The following FCRL5 variants were observed in gnomAD, a reference collection of about 807,000 sequenced individuals.
FCRL5 encodes Fc receptor-like protein 5.
FCRL5 carries 79 observed loss-of-function variants against 92.1 expected under a neutral mutation model. The observed-to-expected ratio is 0.86, with a 90% CI of 0.72 to 1.03. FCRL5 has a LOEUF of 1.03. Among genes scored for constraint, FCRL5 ranks in the 50% least tolerant of loss-of-function variants. The pLI is 0.00. For synonymous variants in FCRL5, 466 were observed against 469.3 expected, an observed-to-expected ratio of 0.99 and a Z score of 0.09; for missense variants, 1,160 against 1,181.1, an observed-to-expected ratio of 0.98 and a Z score of 0.26.
chr1:157,539,311 C>T lies in FCRL5; in HGVS notation c.1177G>A (p.Glu393Lys). 1 of 1,614,016 alleles carries T rather than the reference C, an allele frequency of 6.2e-7. No homozygotes were observed. Among genetic ancestry groups the T allele is most frequent in the Non-Finnish European group, 8.5e-7 (1 of 1,179,954 alleles). The change falls in exon 7 of 17, where the codon GAG becomes AAG. Residue 393 changes from glutamate (E) to lysine (K), a missense_variant. Transcript: ENST00000361835. Reference sequence around the variant, plus strand: ...CAGTGAAGTGTCACCTTGGCTCCCTCAAAAATCAGGTCCTCAGGAGAGCTG... The same window carrying T: ...CAGTGAAGTGTCACCTTGGCTCCCTTAAAAATCAGGTCCTCAGGAGAGCTG... ...NLSSPEDLIFEGAKVTLHCEA... is the reference protein window; with the variant it reads ...NLSSPEDLIFKGAKVTLHCEA...
In FCRL5 at chr1:157,524,447, A is replaced by G; in HGVS notation, c.2071T>C (p.Tyr691His). The G allele has an allele frequency of 1.2e-6, 2 of 1,614,204 alleles. No individual in the cohort carries two copies. Among genetic ancestry groups the G allele is most frequent in the Non-Finnish European group, 1.7e-6 (2 of 1,180,034 alleles). The change falls in exon 10 of 17, where the codon TAC becomes CAC. Residue 691 changes from tyrosine (Y) to histidine (H), a missense_variant. Coordinates refer to ENST00000361835, the MANE Select transcript of FCRL5 (RefSeq NM_031281.3). ...EALRGSSPIL[Y>H]WFYHEDVTLG... ...GTGACATCTTCATGATAAAACCAGT[A>G]CAGGATTGGGGAGGAGCCTCTCAGG...
intron 6 of FCRL5, 36 bp downstream of exon 6, chr1:157,542,823 C>T (rs1309141250): frequency 1.9e-6 from 3 of 1,591,476 alleles, no homozygotes; most frequent in Non-Finnish European, 2.6e-6. Flanking sequence ...GGACTCTTGG[C>T]CAGGGGTGGG....
chr1:157,547,771 G>A (rs543747144), intron 2 of FCRL5, among the ~76,000 whole-genome samples: 1 of 152,144 alleles, frequency 6.6e-6, no homozygotes, highest in African/African-American at 2.4e-5. Flanking sequence ...TTACAGCTGG[G>A]GCCACTGATT....
chr1:157,525,705 T>A (rs1388853555), intron 9 of FCRL5, among the ~76,000 whole-genome samples: 1 of 152,108 alleles, frequency 6.6e-6, no homozygotes, highest in Non-Finnish European at 1.5e-5. Context: ...CCAAGAAATA[T>A]TTAGGAAGTC....
rs375237721 is a variant in FCRL5, at chr1:157,524,400, G to T, written c.2118C>A (p.Pro706=). The change falls in exon 10 of 17, where the codon CCC becomes CCA. Residue 706 remains proline, a synonymous_variant. Coordinates refer to ENST00000361835, the MANE Select transcript of FCRL5 (RefSeq NM_031281.3). ...EDVTLGKISA[P]SGGGASFNLS... ...GGTTGAAGGAGGCCCCTCCTCCAGAGGGGGCTGAGATCTTACCCAGGGTGA... is the reference window on the plus strand; with the variant it reads ...GGTTGAAGGAGGCCCCTCCTCCAGATGGGGCTGAGATCTTACCCAGGGTGA... 3.7e-6 allele frequency: 6 copies of T among 1,614,112 alleles called. No individual in the cohort carries two copies. In the African/African-American group the frequency reaches 8.0e-5, roughly 22 times the overall value.
chr1:157,548,213 G>A (rs1651647582), intron 2 of FCRL5, among the ~76,000 whole-genome samples: 1 of 152,202 alleles, frequency 6.6e-6, no homozygotes, highest in Admixed American at 6.5e-5. Context: ...AGGGTCAGAG[G>A]GTGACCATGA....
At chr1:157,523,661 T>G (rs1489977683) in intron 10 of FCRL5, 2 of 152,280 alleles carry the variant, frequency 1.3e-5, no homozygotes, top group South Asian at 2.1e-4. Context: ...TTGAAAGAGA[T>G]CAAAGAACAG....
At position 157,552,227 on chromosome 1, in the gene FCRL5, A is replaced by G. The variant is rs1450541341; in HGVS notation, c.31+105T>C. 5 of 1,105,044 alleles carry G rather than the reference A, an allele frequency of 4.5e-6. No homozygotes were observed. The East Asian group carries it at 1.2e-4, about 26-fold the overall frequency. 68.5% of individuals were successfully genotyped at this position (1,105,044 alleles called of 1,614,324 possible). Reference sequence around the variant, plus strand: ...AAAATACAGTCTCCTAATGTAGGAGAGAGTCTCTCAGCAGGGGCTGAGCCC... The same window carrying G: ...AAAATACAGTCTCCTAATGTAGGAGGGAGTCTCTCAGCAGGGGCTGAGCCC... On this transcript the variant is annotated intron_variant, in intron 1 of 16. Coordinates refer to ENST00000361835, the MANE Select transcript of FCRL5 (RefSeq NM_031281.3).
intron 8 of FCRL5, among the ~76,000 whole-genome samples, chr1:157,531,409 G>A (rs1271323114): frequency 6.6e-6 from 1 of 152,154 alleles, no homozygotes; most frequent in Non-Finnish European, 1.5e-5. Context: ...AAACAGCATG[G>A]AAGTTTCTCA....
At position 157,518,701 on chromosome 1, in the gene FCRL5, A is replaced by G. The variant is rs146997882; in HGVS notation, c.2742T>C (p.Asn914=). Residue 914 remains asparagine (N), a splice_region_variant and synonymous_variant, in exon 14 of 17, where the codon AAT becomes AAC. Transcript: ENST00000361835. ...AWEELQPVYT[N]ANPRGENVVY... ...AAATGCAGGATCCTCGGGCCTCACCATTAGTGTACACTGGTTGCAGCTCTT... is the reference window on the plus strand; with the variant it reads ...AAATGCAGGATCCTCGGGCCTCACCGTTAGTGTACACTGGTTGCAGCTCTT... The G allele has an allele frequency of 1.2e-5, 20 of 1,610,952 alleles. No individual in the cohort carries two copies. The African/African-American group carries it at 2.0e-4, about 16-fold the overall frequency.
chr1:157,524,647 T>C, intron 9 of FCRL5, 90 bp from the exon 10 acceptor site: 5 of 1,412,916 alleles, frequency 3.5e-6, no homozygotes, highest in Admixed American at 2.5e-5. Flanking sequence ...AATGTTTTTC[T>C]CAGTTTTTAA....
At chr1:157,542,752 CAAGA>C in intron 6 of FCRL5, 103 bp downstream of exon 6, 8 of 1,368,594 alleles carry the variant, frequency 5.8e-6, no homozygotes, top group Non-Finnish European at 8.0e-6. Context: ...TAGGTTTTCC[CAAGA>C]AAGAAACTGA....
intron 6 of FCRL5, among the ~76,000 whole-genome samples, chr1:157,541,083 A>G (rs1051268097): frequency 6.6e-6 from 1 of 152,152 alleles, no homozygotes; most frequent in Non-Finnish European, 1.5e-5. Context: ...CTCAGTTTTT[A>G]TCTGTCATCA....
intron 7 of FCRL5, among the ~76,000 whole-genome samples, chr1:157,537,597 G>A (rs780665143): frequency 1.2e-4 from 18 of 152,080 alleles, no homozygotes; most frequent in Non-Finnish European, 2.2e-4. Context: ...TGATCTCTGT[G>A]AGCCACACCC....
rs534285037 is a variant in FCRL5, at chr1:157,527,700, G to T, written c.1877C>A (p.Ala626Glu). 1.6e-5 allele frequency: 26 copies of T among 1,614,208 alleles called. No individual in the cohort carries two copies. The South Asian group carries it at 2.5e-4, about 16-fold the overall frequency. The change falls in exon 9 of 17, where the codon GCA becomes GAA. Residue 626 changes from alanine (A) to glutamate (E), a missense_variant. By Grantham distance (107) the Ala-to-Glu change is moderately radical. Coordinates refer to ENST00000361835, the MANE Select transcript of FCRL5 (RefSeq NM_031281.3). ...GEASFNLSLT[A>E]EHSGNYSCEA... ...ACATGAGTAGTTTCCAGAATGTTCT[G>T]CAGTCAGAGAGAGGTTGAAAGAAGC...
rs778195474 is a variant in FCRL5, at chr1:157,544,292, C to A, written c.814G>T (p.Asp272Tyr). 5.0e-6 allele frequency: 8 copies of A among 1,614,140 alleles called. No homozygotes were observed. The South Asian group carries it at 5.5e-5, about 11-fold the overall frequency. ...AATMPYSVIS[D>Y]SPRSWIQVQI... ...ACCTGTATCCAGGATCTCGGGCTGT[C>A]AGATATGACGCTGTAAGGCATTGTT... Residue 272 changes from aspartate (D) to tyrosine (Y), a missense_variant, in exon 5 of 17, where the codon GAC becomes TAC. By Grantham distance (160) the Asp-to-Tyr change is radical (BLOSUM62 -3). Coordinates refer to ENST00000361835, the MANE Select transcript of FCRL5 (RefSeq NM_031281.3).
At chr1:157,534,127 T>A in intron 8 of FCRL5, 1 of 330,188 alleles carries the variant, frequency 3.0e-6, no homozygotes, top group South Asian at 3.1e-5. Context: ...AAACAAGGGA[T>A]CATAAAAACT....
intron 7 of FCRL5, among the ~76,000 whole-genome samples, chr1:157,536,574 T>A (rs1477826186): frequency 6.6e-6 from 1 of 152,256 alleles, no homozygotes. Flanking sequence ...CAGATTGCCC[T>A]GCAGAATATG....
chr1:157,541,173 A>G (rs1246635833), intron 6 of FCRL5, among the ~76,000 whole-genome samples: 3 of 152,056 alleles, frequency 2.0e-5, no homozygotes, highest in African/African-American at 7.2e-5. Flanking sequence ...AGTGGGGCAC[A>G]CTCTCACAGT....
Sources: gnomAD v4.1 joint callset for allele counts (sites outside exome capture counted in the v4.1 genomes callset) on GRCh38, gnomAD v4.1.1 for gene constraint, MANE v1.5 for transcripts, NCBI Gene and HGNC (gene_info 2026-07-23, HGNC 2026-07-21) for gene names.